TMEM164: variants seen among roughly 807,000 people sequenced by gnomAD.
TMEM164 encodes RP13-360B22.2.
A neutral mutation model predicts 18.8 loss-of-function variants in TMEM164; 4 were observed. That is an observed-to-expected ratio of 0.21 (90% CI 0.10 to 0.49). TMEM164 has a LOEUF of 0.49. Among genes scored for constraint, TMEM164 ranks in the 20% least tolerant of loss-of-function variants. The pLI is 0.98. For synonymous variants in TMEM164, 86 were observed against 101.7 expected (o/e 0.85, Z 0.93); for missense variants, 108 against 239.9 (o/e 0.45, Z 3.63).
intron 5 of TMEM164, among the ~76,000 whole-genome samples, chrX:110,147,187 C>T (rs918993665): frequency 1.8e-5 from 2 of 112,076 alleles, no homozygotes; most frequent in African/African-American, 6.5e-5. Context: ...TCTTTTCTTC[C>T]TCTGGCCTGT....
Position 110,109,156 on chromosome X carries a change from C to T in TMEM164, c.507+10C>T, listed in dbSNP as rs761315604. Reference sequence around the variant, plus strand: ...GGTAAACACTCGGCTGGTAAGTAGCCTCTTCTAGGAATGTAACAGCAACAT... The same window carrying T: ...GGTAAACACTCGGCTGGTAAGTAGCTTCTTCTAGGAATGTAACAGCAACAT... On this transcript the variant is annotated intron_variant, in intron 4 of 6. Coordinates refer to ENST00000372068, the MANE Select transcript of TMEM164 (RefSeq NM_032227.4). 4.7e-5 allele frequency: 56 copies of T among 1,199,414 alleles called. No homozygotes were observed. In the South Asian group the frequency reaches 8.7e-4, roughly 19 times the overall value.
chrX:110,067,805 G>GT (rs997717623), intron 3 of TMEM164, among the ~76,000 whole-genome samples: 13 of 112,346 alleles, frequency 1.2e-4, no homozygotes, highest in Non-Finnish European at 1.9e-4. Context: ...TTTTTATGGG[G>GT]TTTTCCCCCC....
chrX:110,012,531 A>G (rs1933066432), intron 2 of TMEM164, among the ~76,000 whole-genome samples: 1 of 112,000 alleles, frequency 8.9e-6, no homozygotes, highest in South Asian at 3.7e-4. Context: ...GTCCTTTCTC[A>G]TGTGCCTTGC....
chrX:110,144,739 A>G (rs1312953211), intron 4 of TMEM164, 59 bp from the exon 5 acceptor site: 6 of 1,013,481 alleles, frequency 5.9e-6, no homozygotes, highest in East Asian at 6.3e-5. Flanking sequence ...TCAACTTTGG[A>G]CTCTGTTGAA....
chrX:110,031,761 T>C (rs1381651882), intron 2 of TMEM164, among the ~76,000 whole-genome samples: 4 of 111,105 alleles, frequency 3.6e-5, no homozygotes, highest in African/African-American at 1.3e-4. Context: ...AATGTCTCCC[T>C]AATCCCTCCT....
chrX:110,165,112 A>G (rs2067142907), intron 5 of TMEM164, among the ~76,000 whole-genome samples: 1 of 112,863 alleles, frequency 8.9e-6, no homozygotes, highest in Non-Finnish European at 1.9e-5. Flanking sequence ...AAGATTACTA[A>G]CTAGTGATCG....
intron 2 of TMEM164, among the ~76,000 whole-genome samples, chrX:110,024,504 G>A (rs977673283): frequency 9.0e-6 from 1 of 111,680 alleles, no homozygotes; most frequent in Non-Finnish European, 1.9e-5. Context: ...GGCTGGTCTC[G>A]AACTTCTAGC....
At chrX:110,003,008 C>T (rs1269924111), upstream of TMEM164, 59 of 87,732 alleles carry the variant, frequency 6.7e-4, no homozygotes, top group Non-Finnish European at 1.0e-3. Flanking sequence ...GCCCGGAGGG[C>T]GGGCGTCTAG....
At position 110,177,303 on chromosome X, in the gene TMEM164, A is replaced by T; in HGVS notation, c.*3852A>T. 1 of 112,621 alleles carries T rather than the reference A, an allele frequency of 8.9e-6. No individual in the cohort carries two copies. Among genetic ancestry groups the T allele is most frequent in the Non-Finnish European group, 1.9e-5 (1 of 53,290 alleles). 9.3% of individuals were successfully genotyped at this position (112,621 alleles called of 1,213,427 possible). On this transcript the variant is annotated 3_prime_UTR_variant, in exon 7 of 7. Coordinates refer to ENST00000372068, the MANE Select transcript of TMEM164 (RefSeq NM_032227.4). ...GTGTTATTGTAGTGAAGAGAATGTG[A>T]TAGGCTGATCTGTAATGGTTTCTGT...
intron 2 of TMEM164, among the ~76,000 whole-genome samples, chrX:110,034,405 T>A (rs1468998404): frequency 8.9e-6 from 1 of 112,457 alleles, no homozygotes; most frequent in Non-Finnish European, 1.9e-5. Context: ...TTTGGCAAAC[T>A]TTTTCTGTAA....
chrX:110,031,152 G>A (rs1034286176), intron 2 of TMEM164, among the ~76,000 whole-genome samples: 1 of 111,672 alleles, frequency 9.0e-6, no homozygotes, highest in Non-Finnish European at 1.9e-5. Context: ...GAGAACATGA[G>A]GTGTTCGGTT....
chrX:110,152,996 C>T (rs191453031), intron 5 of TMEM164, among the ~76,000 whole-genome samples: 2 of 111,887 alleles, frequency 1.8e-5, no homozygotes, highest in East Asian at 5.6e-4. Flanking sequence ...CTTCTTTATA[C>T]TGTACACTGT....
chrX:110,179,712 A>G (rs746458524), downstream of TMEM164, among the ~76,000 whole-genome samples: 3 of 112,007 alleles, frequency 2.7e-5, no homozygotes, highest in Non-Finnish European at 3.8e-5. Context: ...AACTCTGGCC[A>G]TCATTTGCCT....
chrX:110,064,909 A>G (rs1263165388), intron 2 of TMEM164, among the ~76,000 whole-genome samples: 1 of 105,976 alleles, frequency 9.4e-6, no homozygotes, highest in Non-Finnish European at 1.9e-5. Flanking sequence ...AGGTAGGAGA[A>G]TTGCTTCAGC....
intron 5 of TMEM164, among the ~76,000 whole-genome samples, chrX:110,146,260 C>T (rs2066852732): frequency 1.8e-5 from 2 of 112,226 alleles, no homozygotes; most frequent in African/African-American, 3.2e-5. Context: ...GAAGTCCTAG[C>T]CAAATCTGCA....
intron 2 of TMEM164, among the ~76,000 whole-genome samples, chrX:110,056,672 G>T (rs1346631415): frequency 9.0e-6 from 1 of 111,547 alleles, no homozygotes; most frequent in Non-Finnish European, 1.9e-5. Flanking sequence ...GTATAAAAGG[G>T]TTCCAATTTC....
chrX:110,117,421 A>G (rs2066385829), intron 4 of TMEM164, among the ~76,000 whole-genome samples: 2 of 112,481 alleles, frequency 1.8e-5, no homozygotes, highest in African/African-American at 6.5e-5. Context: ...GCTCATGACT[A>G]CAGTAGCAAT....
At chrX:110,144,161 G>A (rs1358506685) in intron 4 of TMEM164, among the ~76,000 whole-genome samples, 1 of 111,719 alleles carries the variant, frequency 9.0e-6, no homozygotes, top group Non-Finnish European at 1.9e-5. Flanking sequence ...GGCTAATGCT[G>A]GGCTGACACC....
intron 4 of TMEM164, among the ~76,000 whole-genome samples, chrX:110,133,587 T>C (rs1318513507): frequency 1.8e-5 from 2 of 112,013 alleles, no homozygotes; most frequent in Non-Finnish European, 3.8e-5. Flanking sequence ...GGGTGAGGAA[T>C]TCAATGCATG....
Sources: allele counts gnomAD v4.1 joint callset (sites outside exome capture counted in the v4.1 genomes callset), GRCh38; gene constraint gnomAD v4.1.1; transcripts MANE v1.5; gene names NCBI Gene and HGNC (gene_info 2026-07-23, HGNC 2026-07-21).